BRWD1: variants seen among roughly 807,000 people sequenced by gnomAD.
BRWD1 encodes bromodomain and WD repeat-containing protein 1.
Under a neutral mutation model 251.2 loss-of-function variants are expected in BRWD1, and 82 were observed. The observed-to-expected ratio is 0.33, with a 90% CI of 0.27 to 0.39. The LOEUF (loss-of-function observed/expected upper bound fraction) is 0.39, where lower values mean the gene tolerates loss of function less well. Among genes scored for constraint, BRWD1 ranks in the 10% least tolerant of loss-of-function variants. The pLI, the probability that BRWD1 is intolerant of heterozygous loss-of-function variation, is 1.00. For synonymous variants in BRWD1, 918 were observed against 902.8 expected, an observed-to-expected ratio of 1.02 and a Z score of -0.30; for missense variants, 2,233 against 2,711.6, an observed-to-expected ratio of 0.82 and a Z score of 3.92.
intron 29 of BRWD1, among the ~76,000 whole-genome samples, chr21:39,219,056 TCCCA>T (rs765444118): frequency 2.8e-4 from 42 of 151,616 alleles, no homozygotes; most frequent in Non-Finnish European, 5.2e-4. Context: ...GGATAAATAA[TCCCA>T]CATGACAAAT....
chr21:39,286,152 C>T (rs1269428553), intron 8 of BRWD1, among the ~76,000 whole-genome samples: 1 of 151,350 alleles, frequency 6.6e-6, no homozygotes, highest in Non-Finnish European at 1.5e-5. Context: ...GTAGCTGGGA[C>T]TACAGGCGCT....
intron 8 of BRWD1, 136 bp from the exon 9 acceptor site, chr21:39,280,384 G>A (rs189677128): frequency 2.0e-5 from 13 of 646,418 alleles, no homozygotes; most frequent in South Asian, 7.6e-5. Context: ...TAATACTACC[G>A]TAGTGAAAAA....
chr21:39,212,744 T>C, intron 33 of BRWD1, 37 bp from the exon 34 acceptor site: 3 of 1,393,356 alleles, frequency 2.2e-6, no homozygotes, highest in South Asian at 2.5e-5. Flanking sequence ...GTATTTAGAG[T>C]CTCATTAGAA....
chr21:39,314,012 T>C (rs929938774), upstream of BRWD1: 9 of 452,980 alleles, frequency 2.0e-5, no homozygotes, highest in Middle Eastern at 3.3e-4. Context: ...CTGGGTCCTC[T>C]ACGCGGGACC....
intron 36 of BRWD1, among the ~76,000 whole-genome samples, chr21:39,207,739 T>C (rs943665477): frequency 6.6e-6 from 1 of 152,102 alleles, no homozygotes; most frequent in Non-Finnish European, 1.5e-5. Context: ...GGTCAAGAAA[T>C]AGAAACAGCC....
rs761296001 is a variant in BRWD1, at chr21:39,312,902, TG to T, written c.139-3del. 6.9e-7 allele frequency: 1 copy of T among 1,456,660 alleles called. No individual in the cohort carries two copies. Among genetic ancestry groups the T allele is most frequent in the Admixed American group, 2.1e-5 (1 of 47,278 alleles). The allele number at this position is 1,456,660 out of a possible 1,614,324, so 90.2% of individuals were successfully genotyped here. ...CCAGTCCAATCTCTTCGGCAACAAC[TG>T]GAAAGACACGAAACGCACACGAGTG... is the stretch of plus-strand genomic sequence containing the variant. On this transcript the variant is annotated splice_region_variant and splice_polypyrimidine_tract_variant and intron_variant, in intron 3 of 40. Coordinates refer to ENST00000342449, the MANE Select transcript of BRWD1 (RefSeq NM_033656.4).
rs530273475 is a variant in BRWD1, at chr21:39,259,209, A to T, written c.1886-537T>A. ...GAGAACAGTGCAATTGATGGTGGTA[A>T]TTACACAAGCCTCTCCGACTAATCT... On this transcript the variant is annotated intron_variant, in intron 17 of 40. Transcript: ENST00000342449. Among the ~76,000 whole-genome samples the T allele has an allele frequency of 3.9e-5, 6 of 152,336 alleles. 1 individual carries two copies. The South Asian group carries it at 1.2e-3, about 32-fold the overall frequency.
chr21:39,237,594 A>G (rs1694284712), intron 22 of BRWD1, among the ~76,000 whole-genome samples: 1 of 152,306 alleles, frequency 6.6e-6, no homozygotes, highest in East Asian at 1.9e-4. Context: ...AAATTCAAGA[A>G]AAGTTGAATT....
rs1484513860 is a variant in BRWD1 at position 39,194,475 on chromosome 21, T to G, written c.*1784A>C. The G allele has an allele frequency of 7.9e-6, 11 of 1,399,222 alleles. No individual in the cohort carries two copies. The East Asian group carries it at 2.6e-4, about 33-fold the overall frequency. The allele number at this position is 1,399,222 out of a possible 1,614,324, so 86.7% of individuals were successfully genotyped here. On this transcript the variant is annotated 3_prime_UTR_variant, in exon 41 of 41. Transcript: ENST00000342449. ...ATGAATCAATCTGTTTACTATCTAC[T>G]TAACACAAGTTCTGAGAAGAAAAGC...
At position 39,194,285 on chromosome 21, in the gene BRWD1, A is replaced by AGC; in HGVS notation, c.*1973_*1974insGC. Reference sequence around the variant, plus strand: ...ATGGATTTTTTTGGTACCTTTTTGCAAATGATGGTAAACATGGAGTTAAAA... The same window carrying AGC: ...ATGGATTTTTTTGGTACCTTTTTGCAGCAATGATGGTAAACATGGAGTTAAAA... On this transcript the variant is annotated 3_prime_UTR_variant, in exon 41 of 41. Transcript: ENST00000342449. 2 of 990,710 alleles carry AGC rather than the reference A, an allele frequency of 2.0e-6. No homozygotes were observed. Among genetic ancestry groups the AGC allele is most frequent in the African/African-American group, 1.7e-5 (1 of 57,438 alleles). The allele number at this position is 990,710 out of a possible 1,614,324, so 61.4% of individuals were successfully genotyped here. A position where few individuals can be genotyped will look rare whatever the true frequency, so the allele number is the denominator to read the frequency against.
chr21:39,256,751 C>A (rs1048860847), intron 18 of BRWD1, among the ~76,000 whole-genome samples: 40 of 152,196 alleles, frequency 2.6e-4, no homozygotes, highest in Non-Finnish European at 4.8e-4. Flanking sequence ...ACTAACACAA[C>A]AGAAAAACTG....
In BRWD1 at chr21:39,215,351, G is replaced by A. The variant is rs1408247256; in HGVS notation, c.3671C>T (p.Ala1224Val). ...LVNRFYRRLS[A>V]LVWEVRYIEH... ...TATATATCTGACTTCCCAAACTAAC[G>A]CAGACAGCCTCCTTCAAAATAAAGT... The change falls in exon 32 of 41, where the codon GCG becomes GTG. Residue 1224 changes from alanine to valine, a missense_variant. Ala to Val is a moderately conservative substitution (Grantham distance 64). Transcript: ENST00000342449. 2 of 1,612,788 alleles carry A rather than the reference G, an allele frequency of 1.2e-6. No individual in the cohort carries two copies. Among genetic ancestry groups the A allele is most frequent in the Non-Finnish European group, 1.7e-6 (2 of 1,179,170 alleles).
chr21:39,278,296 A>G (rs2035341223), intron 10 of BRWD1, among the ~76,000 whole-genome samples: 1 of 152,216 alleles, frequency 6.6e-6, no homozygotes, highest in South Asian at 2.1e-4. Flanking sequence ...TTATGAGGGA[A>G]AAGTCTTTGA....
chr21:39,237,144 AAAT>A (rs2033839119), intron 22 of BRWD1, among the ~76,000 whole-genome samples: 2 of 152,162 alleles, frequency 1.3e-5, no homozygotes, highest in African/African-American at 4.8e-5. Flanking sequence ...AAAACCCCAA[AAAT>A]AGGCCCCACC....
At chr21:39,302,062 C>A (rs2036136761) in intron 4 of BRWD1, among the ~76,000 whole-genome samples, 2 of 140,336 alleles carry the variant, frequency 1.4e-5, no homozygotes, top group Admixed American at 1.6e-4. Flanking sequence ...TGGATCACTG[C>A]AACCTCCACC....
At chr21:39,278,313 C>T (rs985661239) in intron 10 of BRWD1, among the ~76,000 whole-genome samples, 5 of 151,834 alleles carry the variant, frequency 3.3e-5, no homozygotes, top group South Asian at 4.2e-4. Flanking sequence ...TTGACCTATC[C>T]GAAAAAAGAG....
chr21:39,204,974 C>T (rs2032319911), intron 37 of BRWD1, among the ~76,000 whole-genome samples: 1 of 152,086 alleles, frequency 6.6e-6, no homozygotes, highest in Non-Finnish European at 1.5e-5. Context: ...ATTAAAGAGC[C>T]AATTCTTATG....
chr21:39,248,616 T>C (rs1474936196), intron 20 of BRWD1, among the ~76,000 whole-genome samples: 1 of 113,746 alleles, frequency 8.8e-6, no homozygotes, highest in Admixed American at 1.3e-4. Context: ...CACTCCAGCC[T>C]GGGCAAGAGT....
Position 39,225,144 on chromosome 21 carries a change from T to A in BRWD1, c.3262A>T (p.Ser1088Cys). Residue 1088 changes from serine (S) to cysteine (C), a missense_variant, in exon 28 of 41, where the codon AGT (serine) becomes TGT (cysteine). By Grantham distance (112) the Ser-to-Cys change is moderately radical (BLOSUM62 -1). This residue lies in a region of BRWD1 where 139 missense variants were observed against 272.8 expected (regional missense o/e 0.51). Transcript: ENST00000342449. ...TACTGTGGTTGATATGGCTCTTGAC[T>A]TAACACTGTTCCAAACCACCAAGCA... ...DDAWWFGTVL[S>C]QEPYQPQYPD... is the part of the protein sequence containing the mutation. 3.1e-6 allele frequency: 5 copies of A among 1,613,676 alleles called. No individual in the cohort carries two copies. Among genetic ancestry groups the A allele is most frequent in the Non-Finnish European group, 4.2e-6 (5 of 1,179,702 alleles).
Sources: allele counts gnomAD v4.1 joint callset (sites outside exome capture counted in the v4.1 genomes callset), GRCh38; gene constraint gnomAD v4.1.1; regional missense constraint gnomAD v4.1.1; transcripts MANE v1.5; gene names NCBI Gene and HGNC (gene_info 2026-07-23, HGNC 2026-07-21).